Variants in RABGAP1L observed in about 807,000 individuals in gnomAD.
RABGAP1L encodes the protein rab GTPase-activating protein 1-like.
A neutral mutation model predicts 137.7 loss-of-function variants in RABGAP1L; 63 were observed. That is an observed-to-expected ratio of 0.46 (90% CI 0.37 to 0.56). The LOEUF is 0.56. RABGAP1L is among the 20% of genes least tolerant of loss of function. The pLI is 0.00. For synonymous variants in RABGAP1L, 431 were observed against 433.7 expected, an observed-to-expected ratio of 0.99 and a Z score of 0.08; for missense variants, 1,095 against 1,244.0, an observed-to-expected ratio of 0.88 and a Z score of 1.80.
intron 1 of RABGAP1L, among the ~76,000 whole-genome samples, chr1:174,212,767 A>C (rs1179789123): frequency 6.6e-6 from 1 of 152,158 alleles, no homozygotes; most frequent in Non-Finnish European, 1.5e-5. Flanking sequence ...TGGTTTGAAA[A>C]GTTAATGAAA....
At chr1:174,325,539 C>T (rs183434053) in intron 11 of RABGAP1L, among the ~76,000 whole-genome samples, 1 of 152,298 alleles carries the variant, frequency 6.6e-6, no homozygotes, top group East Asian at 1.9e-4. Flanking sequence ...ATTATTGGTT[C>T]TCTGTGACTA....
At chr1:174,247,291 T>C (rs1217171002) in intron 5 of RABGAP1L, among the ~76,000 whole-genome samples, 1 of 152,174 alleles carries the variant, frequency 6.6e-6, no homozygotes, top group East Asian at 1.9e-4. Flanking sequence ...TGTTCTCCTG[T>C]TTTCACATAC....
intron 13 of RABGAP1L, among the ~76,000 whole-genome samples, chr1:174,408,604 T>A (rs1449055767): frequency 6.6e-6 from 1 of 152,178 alleles, no homozygotes; most frequent in Non-Finnish European, 1.5e-5. Flanking sequence ...TGGGTTGAAC[T>A]GGGTAGAATG....
intron 13 of RABGAP1L, among the ~76,000 whole-genome samples, chr1:174,577,102 T>A (rs906504745): frequency 6.6e-6 from 1 of 151,958 alleles, no homozygotes; most frequent in Non-Finnish European, 1.5e-5. Context: ...GGAGGACCCC[T>A]TAAGCCCAGG....
At chr1:174,612,707 G>A (rs1020020043) in intron 13 of RABGAP1L, among the ~76,000 whole-genome samples, 31 of 152,294 alleles carry the variant, frequency 2.0e-4, no homozygotes, top group Non-Finnish European at 3.1e-4. Context: ...TGATTGGTAA[G>A]CTATTGATTA....
In RABGAP1L at chr1:174,407,908, G is replaced by A. The variant is rs192931383; in HGVS notation, c.1710+13763G>A. ...ATAAAATGTACTGGAGAGATGAACTGCTCACATGGAGATGATTAGCATTAC... is the reference window on the plus strand; with the variant it reads ...ATAAAATGTACTGGAGAGATGAACTACTCACATGGAGATGATTAGCATTAC... On this transcript the variant is annotated intron_variant, in intron 13 of 25. Transcript: ENST00000681986. 2.5e-3 allele frequency among the ~76,000 whole-genome samples: 381 copies of A among 152,222 alleles called. 3 individuals are homozygous for A. Among genetic ancestry groups the A allele is most frequent in the African/African-American group, 8.9e-3 (370 of 41,536 alleles).
At chr1:174,481,493 A>T (rs982096914) in intron 13 of RABGAP1L, among the ~76,000 whole-genome samples, 1 of 152,178 alleles carries the variant, frequency 6.6e-6, no homozygotes, top group Non-Finnish European at 1.5e-5. Context: ...GGCCTGGTTC[A>T]TAGGCCATCT....
chr1:174,510,665 A>C (rs1357639818), intron 13 of RABGAP1L, among the ~76,000 whole-genome samples: 1 of 152,182 alleles, frequency 6.6e-6, no homozygotes, highest in Non-Finnish European at 1.5e-5. Flanking sequence ...TTTGTCATTT[A>C]CATAGTATAA....
At position 174,724,565 on chromosome 1, in the gene RABGAP1L, A is replaced by T. The variant is rs186143043; in HGVS notation, c.2169+22309A>T. Among the ~76,000 whole-genome samples the T allele has an allele frequency of 2.6e-5, 4 of 152,320 alleles. No individual in the cohort carries two copies. In the East Asian group the frequency reaches 5.8e-4, roughly 22 times the overall value. On this transcript the variant is annotated intron_variant, in intron 17 of 25. Transcript: ENST00000681986. ...CAACTTAACATCTAGAGGACCAGAG[A>T]TATTCACTGAAAGGAATGCTTTTTA...
intron 13 of RABGAP1L, among the ~76,000 whole-genome samples, chr1:174,552,381 C>T (rs11804541): frequency 0.58 from 88,264 of 151,882 alleles, 27,952 homozygotes; most frequent in African/African-American, 0.85. Flanking sequence ...TGTCCTTGTG[C>T]TCTCATCATT....
At chr1:174,232,565 C>T (rs1424806993) in intron 4 of RABGAP1L, among the ~76,000 whole-genome samples, 4 of 151,336 alleles carry the variant, frequency 2.6e-5, no homozygotes, top group African/African-American at 7.3e-5. Context: ...GGGTGGATCA[C>T]GAGGTCAGGA....
At chr1:174,703,258 C>G (rs1679792546) in intron 17 of RABGAP1L, among the ~76,000 whole-genome samples, 1 of 152,058 alleles carries the variant, frequency 6.6e-6, no homozygotes, top group Non-Finnish European at 1.5e-5. Flanking sequence ...TTTCTTATCC[C>G]CTACCCCCCT....
rs1333831957 is a variant in RABGAP1L, at chr1:174,231,370, GT to G, written c.542+20del. On this transcript the variant is annotated intron_variant, in intron 4 of 25. Transcript: ENST00000681986. ...GGTTCTGTGAGGTAAGCTCTAATTT[GT>G]TTTTCTTTAGACACATATTAAGTCT... 1.2e-6 allele frequency: 2 copies of G among 1,606,920 alleles called. No individual in the cohort carries two copies. Among genetic ancestry groups the G allele is most frequent in the South Asian group, 2.2e-5 (2 of 90,942 alleles).
At chr1:174,835,638 T>C (rs1367727253) in intron 19 of RABGAP1L, among the ~76,000 whole-genome samples, 1 of 152,206 alleles carries the variant, frequency 6.6e-6, no homozygotes, top group African/African-American at 2.4e-5. Flanking sequence ...TTTCCCAGCC[T>C]CCTCTGGCTT....
chr1:174,684,972 C>A (rs1371950325), intron 15 of RABGAP1L, among the ~76,000 whole-genome samples: 1 of 149,394 alleles, frequency 6.7e-6, no homozygotes, highest in Admixed American at 6.8e-5. Context: ...TAGAAGGAGA[C>A]CCTGTCTCAA....
At chr1:174,948,032 C>G (rs1328766649) in intron 19 of RABGAP1L, among the ~76,000 whole-genome samples, 6 of 152,072 alleles carry the variant, frequency 3.9e-5, no homozygotes, top group Non-Finnish European at 8.8e-5. Context: ...TGTCTCTTCT[C>G]CCTTTCTAGT....
chr1:174,174,623 A>G (rs1665687303), intron 1 of RABGAP1L, among the ~76,000 whole-genome samples: 1 of 152,182 alleles, frequency 6.6e-6, no homozygotes, highest in African/African-American at 2.4e-5. Context: ...TTTTTGCAAA[A>G]TAACTCTCAA....
At chr1:174,377,791 A>T (rs1172408466) in intron 12 of RABGAP1L, among the ~76,000 whole-genome samples, 3 of 148,476 alleles carry the variant, frequency 2.0e-5, no homozygotes, top group Non-Finnish European at 4.5e-5. Context: ...TATTATTATT[A>T]TTTTTTATTA....
intron 14 of RABGAP1L, among the ~76,000 whole-genome samples, chr1:174,682,091 G>A (rs989109518): frequency 1.3e-5 from 2 of 152,022 alleles, no homozygotes; most frequent in Non-Finnish European, 2.9e-5. Context: ...GACCAGCCTG[G>A]CCAACATGGT....
Sources: gnomAD v4.1 joint callset for allele counts (sites outside exome capture counted in the v4.1 genomes callset) on GRCh38, gnomAD v4.1.1 for gene constraint, MANE v1.5 for transcripts, NCBI Gene and HGNC (gene_info 2026-07-23, HGNC 2026-07-21) for gene names.